CA10: variants seen among roughly 807,000 people sequenced by gnomAD.
The protein encoded by CA10 is carbonic anhydrase 10 (inactive).
CA10 carries 14 observed loss-of-function variants against 44.2 expected under a neutral mutation model. That is an observed-to-expected ratio of 0.32 (90% CI 0.21 to 0.50). CA10 has a LOEUF of 0.50. CA10 is among the 20% of genes least tolerant of loss of function. CA10 has a pLI of 0.99. For synonymous variants in CA10, 159 were observed against 141.6 expected (o/e 1.12, Z -0.87); for missense variants, 350 against 409.7 (o/e 0.85, Z 1.26).
intron 3 of CA10, among the ~76,000 whole-genome samples, chr17:51,858,871 A>G (rs1382759154): frequency 6.6e-6 from 1 of 152,090 alleles, no homozygotes; most frequent in Admixed American, 6.6e-5. Flanking sequence ...AGTCAGAGGG[A>G]CTAAGCTTGA....
At chr17:51,691,756 G>A (rs577323529) in intron 4 of CA10, among the ~76,000 whole-genome samples, 1 of 152,298 alleles carries the variant, frequency 6.6e-6, no homozygotes, top group Non-Finnish European at 1.5e-5. Flanking sequence ...CATGGTGTGA[G>A]TTAAGGGTCT....
intron 2 of CA10, among the ~76,000 whole-genome samples, chr17:51,952,201 T>C (rs913376252): frequency 2.0e-5 from 3 of 152,180 alleles, no homozygotes; most frequent in Non-Finnish European, 4.4e-5. Context: ...GGTATGACTC[T>C]CCAATGTTGT....
chr17:51,747,868 C>G (rs749749862), intron 3 of CA10, 50 bp from the exon 4 acceptor site: 1 of 1,406,688 alleles, frequency 7.1e-7, no homozygotes, highest in South Asian at 1.3e-5. Flanking sequence ...TCTTCTATGC[C>G]TCCCCAAACC....
At chr17:51,717,535 A>ATATATATATATATG (rs1322713024) in intron 4 of CA10, among the ~76,000 whole-genome samples, 12 of 22,558 alleles carry the variant, frequency 5.3e-4, no homozygotes, top group African/African-American at 1.1e-3. Context: ...ACTGGTATAT[A>ATATATATATATATG]TATATATATA....
At chr17:52,069,109 C>T (rs1239418548) in intron 2 of CA10, among the ~76,000 whole-genome samples, 2 of 152,190 alleles carry the variant, frequency 1.3e-5, no homozygotes, top group East Asian at 3.9e-4. Context: ...AAGGCCCACA[C>T]ATATTATACA....
chr17:51,874,388 T>TAAAAAAAAA (rs780808287), intron 3 of CA10, among the ~76,000 whole-genome samples: 1 of 127,458 alleles, frequency 7.8e-6, no homozygotes, highest in Non-Finnish European at 1.7e-5. Flanking sequence ...GAGTAATTAT[T>TAAAAAAAAA]AAAAAAAAAA....
chr17:52,001,820 G>A (rs1307923396), intron 2 of CA10, among the ~76,000 whole-genome samples: 3 of 151,878 alleles, frequency 2.0e-5, no homozygotes, highest in African/African-American at 7.2e-5. Flanking sequence ...GATAAAAATG[G>A]GTGTTTGGGA....
At chr17:51,805,353 T>G (rs759162757) in intron 3 of CA10, among the ~76,000 whole-genome samples, 4 of 152,210 alleles carry the variant, frequency 2.6e-5, no homozygotes, top group Non-Finnish European at 5.9e-5. Flanking sequence ...GAGATTTTAT[T>G]ATAATTCCTG....
Position 52,124,397 on chromosome 17 carries a change from C to T in CA10, c.61+33329G>A, listed in dbSNP as rs1025207770. The stretch of plus-strand genomic sequence containing the variant: ...TAAGTGATAGATCTGGGATTCAGAA[C>T]CAGGTCTCCTTTCCCCAGGATTCTG... On this transcript the variant is annotated intron_variant, in intron 1 of 8. Transcript: ENST00000451037. Among the ~76,000 whole-genome samples the T allele has an allele frequency of 5.3e-5, 8 of 152,248 alleles. 1 individual carries two copies. Among genetic ancestry groups the T allele is most frequent in the Admixed American group, 2.0e-4 (3 of 15,296 alleles).
At chr17:51,820,416 CCCG>C (rs201674389) in intron 3 of CA10, among the ~76,000 whole-genome samples, 4,015 of 92,420 alleles carry the variant, frequency 0.043, 321 homozygotes, top group African/African-American at 0.062. Flanking sequence ...CCCCCCCCCC[CCCG>C]CCCGCCGATT....
intron 3 of CA10, among the ~76,000 whole-genome samples, chr17:51,839,577 A>T (rs1293883799): frequency 1.3e-5 from 2 of 151,792 alleles, no homozygotes; most frequent in Non-Finnish European, 2.9e-5. Flanking sequence ...TGAAGTAAAA[A>T]ATTCATTGAT....
At chr17:51,792,735 C>T (rs1794254781) in intron 3 of CA10, among the ~76,000 whole-genome samples, 1 of 152,178 alleles carries the variant, frequency 6.6e-6, no homozygotes, top group Non-Finnish European at 1.5e-5. Flanking sequence ...AGTCATAAAT[C>T]ATGTGTGAGT....
chr17:51,681,657 G>T (rs1195405687), intron 4 of CA10, among the ~76,000 whole-genome samples: 2 of 152,128 alleles, frequency 1.3e-5, no homozygotes, highest in Non-Finnish European at 1.5e-5. Context: ...CTGGTTTAAG[G>T]TAAGAGAAAA....
chr17:52,008,864 C>T (rs1985691195), intron 2 of CA10, among the ~76,000 whole-genome samples: 2 of 151,880 alleles, frequency 1.3e-5, no homozygotes, highest in South Asian at 4.1e-4. Flanking sequence ...TGGCATTTTT[C>T]TGCCTTTCTT....
chr17:51,640,180 C>A (rs1829265468), intron 6 of CA10, among the ~76,000 whole-genome samples: 1 of 152,174 alleles, frequency 6.6e-6, no homozygotes, highest in Non-Finnish European at 1.5e-5. Context: ...ATGAGTCCAC[C>A]ACATACTGGG....
intron 2 of CA10, among the ~76,000 whole-genome samples, chr17:52,042,106 T>C (rs143139282): frequency 6.6e-6 from 1 of 152,200 alleles, no homozygotes; most frequent in African/African-American, 2.4e-5. Context: ...TTTGGGTATA[T>C]ACCCAGAAGT....
chr17:52,052,932 T>A (rs544176035), intron 2 of CA10, among the ~76,000 whole-genome samples: 50 of 151,950 alleles, frequency 3.3e-4, no homozygotes, highest in Non-Finnish European at 5.7e-4. Flanking sequence ...TGTGTGTGTG[T>A]GAGAGAGAGA....
intron 4 of CA10, among the ~76,000 whole-genome samples, chr17:51,687,094 A>G (rs1915034546): frequency 6.6e-6 from 1 of 152,186 alleles, no homozygotes; most frequent in Admixed American, 6.5e-5. Flanking sequence ...ATCCAAGCTC[A>G]TTGTCCTGAC....
chr17:52,062,524 C>T (rs558208762), intron 2 of CA10, among the ~76,000 whole-genome samples: 33 of 152,306 alleles, frequency 2.2e-4, no homozygotes, highest in African/African-American at 7.7e-4. Flanking sequence ...CATAGGCCCA[C>T]AGGCCTGGGA....
Sources: allele counts gnomAD v4.1 joint callset (sites outside exome capture counted in the v4.1 genomes callset), GRCh38; gene constraint gnomAD v4.1.1; transcripts MANE v1.5; gene names NCBI Gene and HGNC (gene_info 2026-07-23, HGNC 2026-07-21).